ST7: variants seen among roughly 807,000 people sequenced by gnomAD.
ST7 encodes suppressor of tumorigenicity 7 protein.
ST7 carries 28 observed loss-of-function variants against 78.7 expected under a neutral mutation model. The observed-to-expected ratio is 0.36, with a 90% CI of 0.26 to 0.49. The LOEUF (loss-of-function observed/expected upper bound fraction) is 0.49. ST7 is among the 20% of genes least tolerant of loss of function. The pLI is 0.99. For missense variants in ST7, 418 were observed against 696.0 expected (o/e 0.60, Z 4.49); for synonymous variants, 247 against 249.6 (o/e 0.99, Z 0.10).
chr7:117,162,256 A>G (rs953499356), intron 9 of ST7, among the ~76,000 whole-genome samples: 1 of 152,086 alleles, frequency 6.6e-6, no homozygotes, highest in Non-Finnish European at 1.5e-5. Flanking sequence ...TGCCTAGCAT[A>G]TGGCAAGGAT....
At chr7:117,080,804 A>G (rs1260725081) in intron 1 of ST7, 1 of 152,194 alleles carries the variant, frequency 6.6e-6, no homozygotes, top group Non-Finnish European at 1.5e-5. Context: ...TTGGTTGAAT[A>G]TATATTAATA....
intron 9 of ST7, among the ~76,000 whole-genome samples, chr7:117,163,331 G>A (rs1460983681): frequency 6.6e-6 from 1 of 152,040 alleles, no homozygotes; most frequent in Non-Finnish European, 1.5e-5. Context: ...TATTCTATTT[G>A]TGGTTTTTTT....
intron 1 of ST7, among the ~76,000 whole-genome samples, chr7:117,083,337 C>G (rs1441085092): frequency 1.3e-5 from 2 of 152,200 alleles, no homozygotes; most frequent in African/African-American, 4.8e-5. Context: ...TCTTGGCTCA[C>G]TGCAACCTCC....
At chr7:116,961,554 A>ATGTGTGTG (rs1792822968) in intron 1 of ST7, among the ~76,000 whole-genome samples, 1 of 90,862 alleles carries the variant, frequency 1.1e-5, no homozygotes, top group Non-Finnish European at 2.1e-5. Flanking sequence ...CTGTATTCCT[A>ATGTGTGTG]CGTGTGTGTG....
intron 1 of ST7, among the ~76,000 whole-genome samples, chr7:116,979,394 C>A (rs1793846212): frequency 6.6e-6 from 1 of 152,194 alleles, no homozygotes; most frequent in African/African-American, 2.4e-5. Flanking sequence ...TTTCAATAAG[C>A]TTGTGTAAAT....
chr7:117,197,782 GT>G (rs2117453716), intron 12 of ST7, among the ~76,000 whole-genome samples: 1 of 152,318 alleles, frequency 6.6e-6, no homozygotes, highest in African/African-American at 2.4e-5. Flanking sequence ...TGACCTAAAG[GT>G]AAGGAGAGCT....
intron 12 of ST7, among the ~76,000 whole-genome samples, chr7:117,195,143 C>T (rs1810184579): frequency 6.9e-6 from 1 of 145,032 alleles, no homozygotes; most frequent in Non-Finnish European, 1.5e-5. Context: ...ATTTTAAATA[C>T]TTTTACTATT....
At chr7:117,122,253 C>T (rs1803450963) in intron 3 of ST7, among the ~76,000 whole-genome samples, 1 of 152,102 alleles carries the variant, frequency 6.6e-6, no homozygotes, top group East Asian at 1.9e-4. Flanking sequence ...GTGACAGAAG[C>T]CAAAGTTGCC....
intron 7 of ST7, among the ~76,000 whole-genome samples, 178 bp downstream of exon 7, chr7:117,134,370 A>C (rs989026249): frequency 7.2e-5 from 11 of 151,784 alleles, no homozygotes; most frequent in African/African-American, 2.7e-4. Context: ...GTACTCCCCA[A>C]CCATTAGCAC....
At chr7:117,211,520 A>G (rs1271678031) in intron 13 of ST7, among the ~76,000 whole-genome samples, 1 of 152,216 alleles carries the variant, frequency 6.6e-6, no homozygotes, top group African/African-American at 2.4e-5. Context: ...GAGAAATTAA[A>G]TGGACAAGTT....
At chr7:117,071,150 C>T (rs553712218) in intron 1 of ST7, among the ~76,000 whole-genome samples, 3 of 152,108 alleles carry the variant, frequency 2.0e-5, no homozygotes, top group South Asian at 2.1e-4. Flanking sequence ...ACCCGGGAGG[C>T]GGAGCTTGCA....
chr7:117,062,693 T>C (rs886973698), intron 1 of ST7, among the ~76,000 whole-genome samples: 12 of 152,348 alleles, frequency 7.9e-5, no homozygotes, highest in African/African-American at 2.6e-4. Flanking sequence ...AATACAATAG[T>C]TTATCATGGG....
intron 1 of ST7, among the ~76,000 whole-genome samples, chr7:117,062,528 T>A (rs1798413224): frequency 6.6e-6 from 1 of 152,256 alleles, no homozygotes; most frequent in Admixed American, 6.5e-5. Flanking sequence ...TTTATTTCAG[T>A]GAGCTGGTCT....
intron 1 of ST7, among the ~76,000 whole-genome samples, chr7:117,084,297 A>G (rs779495699): frequency 7.9e-5 from 12 of 152,178 alleles, no homozygotes; most frequent in Non-Finnish European, 1.5e-4. Context: ...GTGCTGAGAG[A>G]TGGCATCTAG....
At chr7:116,997,831 C>A (rs539179219) in intron 1 of ST7, among the ~76,000 whole-genome samples, 1 of 152,358 alleles carries the variant, frequency 6.6e-6, no homozygotes, top group East Asian at 1.9e-4. Context: ...ATTTACAAAC[C>A]TTGAGCTAGA....
intron 12 of ST7, among the ~76,000 whole-genome samples, chr7:117,192,463 C>T (rs369747741): frequency 5.9e-5 from 9 of 152,206 alleles, no homozygotes; most frequent in Admixed American, 5.9e-4. Flanking sequence ...ATAAGCCCTG[C>T]CTATCTTCTG....
At chr7:117,090,025 C>A (rs921968713) in intron 1 of ST7, among the ~76,000 whole-genome samples, 13 of 152,016 alleles carry the variant, frequency 8.6e-5, no homozygotes, top group Non-Finnish European at 1.9e-4. Flanking sequence ...GGAAAGATTC[C>A]GTTGTGAAAT....
intron 12 of ST7, among the ~76,000 whole-genome samples, chr7:117,199,552 C>T (rs1810624701): frequency 6.6e-6 from 1 of 152,226 alleles, no homozygotes; most frequent in African/African-American, 2.4e-5. Flanking sequence ...TTACTTCATT[C>T]TGGAGGGGCT....
chr7:117,030,632 A>G (rs994557236), intron 1 of ST7, among the ~76,000 whole-genome samples: 4 of 152,210 alleles, frequency 2.6e-5, no homozygotes, highest in African/African-American at 4.8e-5. Flanking sequence ...CAAAGCCACA[A>G]TGACATACCA....
Sources: allele counts gnomAD v4.1 joint callset (sites outside exome capture counted in the v4.1 genomes callset), GRCh38; gene constraint gnomAD v4.1.1; transcripts MANE v1.5; gene names NCBI Gene and HGNC (gene_info 2026-07-23, HGNC 2026-07-21).